The following NTNG1 variants were observed in gnomAD, a reference collection of about 807,000 sequenced individuals.
NTNG1 encodes netrin-G1.
A neutral mutation model predicts 54.0 loss-of-function variants in NTNG1; 16 were observed. The observed-to-expected ratio is 0.30, with a 90% CI of 0.20 to 0.45. The LOEUF (loss-of-function observed/expected upper bound fraction) is 0.45. NTNG1 is among the 20% of genes least tolerant of loss of function. The pLI is 1.00. For missense variants in NTNG1, 530 were observed against 678.7 expected (o/e 0.78, Z 2.43); for synonymous variants, 255 against 263.1 (o/e 0.97, Z 0.30).
At chr1:107,265,642 T>G in intron 2 of NTNG1, among the ~76,000 whole-genome samples, 1 of 152,262 alleles carries the variant, frequency 6.6e-6, no homozygotes, top group Non-Finnish European at 1.5e-5. Flanking sequence ...TGTTTACAAC[T>G]GGCTCTAAAT....
intron 7 of NTNG1, among the ~76,000 whole-genome samples, chr1:107,461,248 T>C (rs1316366423): frequency 6.6e-6 from 1 of 152,138 alleles, no homozygotes; most frequent in Non-Finnish European, 1.5e-5. Flanking sequence ...GACTGAATAG[T>C]CATTGAAGGT....
At chr1:107,152,261 A>G (rs1654634751) in intron 2 of NTNG1, among the ~76,000 whole-genome samples, 1 of 152,100 alleles carries the variant, frequency 6.6e-6, no homozygotes, top group Non-Finnish European at 1.5e-5. Context: ...AACACATTTG[A>G]ATAGATCCTA....
At chr1:107,350,187 T>C (rs943214644) in intron 3 of NTNG1, among the ~76,000 whole-genome samples, 8 of 152,156 alleles carry the variant, frequency 5.3e-5, no homozygotes, top group African/African-American at 1.9e-4. Flanking sequence ...TTGTTTCTTA[T>C]ATTGGGAAAT....
chr1:107,251,125 G>C (rs948106248), intron 2 of NTNG1, among the ~76,000 whole-genome samples: 1 of 152,076 alleles, frequency 6.6e-6, no homozygotes, highest in Non-Finnish European at 1.5e-5. Flanking sequence ...AAAAGAATAC[G>C]TTCTGCATGA....
intron 2 of NTNG1, among the ~76,000 whole-genome samples, chr1:107,160,953 G>C (rs570518263): frequency 1.3e-5 from 2 of 152,132 alleles, no homozygotes; most frequent in Admixed American, 1.3e-4. Flanking sequence ...TTTACAAACC[G>C]GGACAGCACA....
intron 2 of NTNG1, among the ~76,000 whole-genome samples, chr1:107,168,197 C>T (rs1655952831): frequency 6.6e-6 from 1 of 151,662 alleles, no homozygotes; most frequent in Non-Finnish European, 1.5e-5. Flanking sequence ...CCTTCTTTCT[C>T]TTTTTCTTTT....
intron 2 of NTNG1, among the ~76,000 whole-genome samples, chr1:107,264,582 T>A (rs1290976862): frequency 6.6e-6 from 1 of 152,262 alleles, no homozygotes; most frequent in Non-Finnish European, 1.5e-5. Context: ...TCTCTGAGGA[T>A]AATTCTTAGC....
chr1:107,375,554 A>C (rs572247991), intron 3 of NTNG1, among the ~76,000 whole-genome samples: 2 of 152,182 alleles, frequency 1.3e-5, no homozygotes, highest in Admixed American at 1.3e-4. Context: ...TTGATCAGCT[A>C]TTTTTAAATG....
intron 5 of NTNG1, among the ~76,000 whole-genome samples, chr1:107,422,384 C>T (rs1674627174): frequency 6.6e-6 from 1 of 151,988 alleles, no homozygotes; most frequent in Non-Finnish European, 1.5e-5. Flanking sequence ...CATCTCTTTT[C>T]TGTCATGTCA....
intron 7 of NTNG1, 23 bp from the exon 8 acceptor site, chr1:107,480,588 C>CCCAAAAA: frequency 8.9e-7 from 1 of 1,119,760 alleles, no homozygotes; most frequent in Non-Finnish European, 1.3e-6. Flanking sequence ...CCACCCACCC[C>CCCAAAAA]TACCTTCCCC....
intron 3 of NTNG1, among the ~76,000 whole-genome samples, chr1:107,385,166 G>A (rs1671880531): frequency 6.6e-6 from 1 of 152,196 alleles, no homozygotes; most frequent in Non-Finnish European, 1.5e-5. Flanking sequence ...TCAGATATCA[G>A]TTGTGGGAAG....
At chr1:107,343,309 C>T (rs917452055) in intron 3 of NTNG1, among the ~76,000 whole-genome samples, 1 of 152,062 alleles carries the variant, frequency 6.6e-6, no homozygotes, top group Admixed American at 6.6e-5. Flanking sequence ...AAGAGCAAGC[C>T]GCCATGATGA....
chr1:107,480,891 C>G lies in NTNG1; in HGVS notation c.*51C>G, dbSNP rs1480436428. On this transcript the variant is annotated 3_prime_UTR_variant, in exon 8 of 8. Coordinates refer to ENST00000370068, the MANE Select transcript of NTNG1 (RefSeq NM_001113226.3). The stretch of plus-strand genomic sequence containing the variant: ...GGCCTGTGCCGTGGGGAAGCAGACA[C>G]AACCCAAACATTTGCTACTAACATA... The G allele has an allele frequency of 7.3e-7, 1 of 1,364,142 alleles. No individual in the cohort carries two copies. The highest frequency in any genetic ancestry group is 1.3e-5 in the South Asian group (1 of 79,654). 84.5% of individuals were successfully genotyped at this position (1,364,142 alleles called of 1,614,324 possible).
At chr1:107,389,014 A>T (rs1225746740) in intron 3 of NTNG1, among the ~76,000 whole-genome samples, 1 of 152,252 alleles carries the variant, frequency 6.6e-6, no homozygotes, top group Non-Finnish European at 1.5e-5. Context: ...CACATTTTGG[A>T]ATGCCTAAAA....
At position 107,324,748 on chromosome 1, in the gene NTNG1, G is replaced by T. The variant is rs749289000; in HGVS notation, c.713G>T (p.Arg238Leu). The T allele has an allele frequency of 1.2e-6, 2 of 1,613,464 alleles. No individual in the cohort carries two copies. The highest frequency in any genetic ancestry group is 2.7e-5 in the African/African-American group (2 of 74,862). ...RFAFFAGPRL[R>L]NMASLYGQLD... ...GCGTTTTTTGCTGGACCTCGCCTAC[G>T]CAATATGGCTTCCCTCTACGGACAG... The change falls in exon 3 of 8, where the codon CGC becomes CTC. Residue 238 changes from arginine (R) to leucine (L), a missense_variant. Around this residue, in one of 2 missense-constraint regions of NTNG1, gnomAD observed 318 missense variants for 465.1 expected, o/e 0.68. Coordinates refer to ENST00000370068, the MANE Select transcript of NTNG1 (RefSeq NM_001113226.3).
chr1:107,362,901 C>T (rs1308003325), intron 3 of NTNG1, among the ~76,000 whole-genome samples: 4 of 152,108 alleles, frequency 2.6e-5, no homozygotes, highest in African/African-American at 9.7e-5. Flanking sequence ...TGAGGATGAG[C>T]TCAGGAGAAT....
At chr1:107,455,543 A>G (rs1558012617) in intron 7 of NTNG1, 1 of 444,660 alleles carries the variant, frequency 2.2e-6, no homozygotes, top group Non-Finnish European at 4.7e-6. Context: ...GTAAAAAGTA[A>G]TAAATGCCTG....
At chr1:107,189,480 A>AG (rs983200387) in intron 2 of NTNG1, among the ~76,000 whole-genome samples, 6 of 148,584 alleles carry the variant, frequency 4.0e-5, no homozygotes, top group African/African-American at 1.5e-4. Flanking sequence ...AAGGCGGGGG[A>AG]GGGGTGTCAA....
At chr1:107,316,873 A>G (rs920574670) in intron 2 of NTNG1, among the ~76,000 whole-genome samples, 1 of 152,222 alleles carries the variant, frequency 6.6e-6, no homozygotes, top group Non-Finnish European at 1.5e-5. Context: ...TAGCTAACGA[A>G]TTTGGAACAC....
Sources: gnomAD v4.1 joint callset for allele counts (sites outside exome capture counted in the v4.1 genomes callset) on GRCh38, gnomAD v4.1.1 for gene constraint, gnomAD v4.1.1 regional missense constraint, MANE v1.5 for transcripts, NCBI Gene and HGNC (gene_info 2026-07-23, HGNC 2026-07-21) for gene names.